Variants in SYN3 observed in about 807,000 individuals in gnomAD.
SYN3 encodes synapsin III.
A neutral mutation model predicts 65.8 loss-of-function variants in SYN3; 35 were observed. That is an observed-to-expected ratio of 0.53 (90% CI 0.41 to 0.70). SYN3 has a LOEUF of 0.70. Among genes scored for constraint, SYN3 ranks in the 30% least tolerant of loss-of-function variants. The pLI is 0.00. For missense variants in SYN3, 680 were observed against 749.0 expected (o/e 0.91, Z 1.08); for synonymous variants, 270 against 292.9 (o/e 0.92, Z 0.80).
At chr22:32,988,533 G>A (rs924966965) in intron 2 of SYN3, among the ~76,000 whole-genome samples, 21 of 151,900 alleles carry the variant, frequency 1.4e-4, no homozygotes, top group African/African-American at 2.9e-4. Flanking sequence ...GGAAACAAGC[G>A]CAAAGACAAC....
intron 4 of SYN3, among the ~76,000 whole-genome samples, chr22:32,898,230 A>G (rs1221057818): frequency 6.6e-6 from 1 of 152,112 alleles, no homozygotes; most frequent in African/African-American, 2.4e-5. Context: ...TCCTGACCTC[A>G]TGATCTGCCA....
At chr22:32,578,202 CTCTT>C (rs938085083) in intron 7 of SYN3, among the ~76,000 whole-genome samples, 28 of 150,108 alleles carry the variant, frequency 1.9e-4, no homozygotes, top group Admixed American at 4.0e-4. Flanking sequence ...TTCTTTCTCT[CTCTT>C]TCTTTTTCTT....
chr22:32,985,468 A>G (rs1163915600), intron 2 of SYN3, among the ~76,000 whole-genome samples: 1 of 152,224 alleles, frequency 6.6e-6, no homozygotes, highest in Admixed American at 6.5e-5. Context: ...AAGGACAGCC[A>G]GACCCTTCAC....
chr22:32,816,707 T>C (rs2047095495), intron 6 of SYN3, among the ~76,000 whole-genome samples: 1 of 152,170 alleles, frequency 6.6e-6, no homozygotes, highest in African/African-American at 2.4e-5. Flanking sequence ...CCATCAGACT[T>C]GGATCATCCT....
chr22:33,021,716 C>T (rs1045221165), intron 1 of SYN3, among the ~76,000 whole-genome samples: 39 of 151,962 alleles, frequency 2.6e-4, no homozygotes, highest in African/African-American at 8.9e-4. Flanking sequence ...CTGTCTGGTA[C>T]TTTGGATCCT....
chr22:32,968,784 T>C (rs1175590223), intron 3 of SYN3, among the ~76,000 whole-genome samples: 1 of 152,208 alleles, frequency 6.6e-6, no homozygotes, highest in Non-Finnish European at 1.5e-5. Flanking sequence ...ATCTCTACGA[T>C]AGAGAGATCC....
intron 4 of SYN3, among the ~76,000 whole-genome samples, chr22:32,908,139 G>A (rs2049952658): frequency 6.6e-6 from 1 of 151,610 alleles, no homozygotes; most frequent in Non-Finnish European, 1.5e-5. Flanking sequence ...AGGCTGGAGT[G>A]CAGTGGCATG....
chr22:32,515,362 G>A (rs2057753915), intron 13 of SYN3, among the ~76,000 whole-genome samples: 1 of 152,164 alleles, frequency 6.6e-6, no homozygotes, highest in South Asian at 2.1e-4. Context: ...TAAACTCATT[G>A]CAATCCTTAT....
At chr22:32,808,863 G>T (rs1047582741) in intron 6 of SYN3, among the ~76,000 whole-genome samples, 13 of 152,234 alleles carry the variant, frequency 8.5e-5, no homozygotes, top group Admixed American at 2.6e-4. Context: ...TCATTCCTGC[G>T]CTGGGAGAAA....
At chr22:32,869,354 C>G (rs1184374936) in intron 4 of SYN3, among the ~76,000 whole-genome samples, 1 of 149,524 alleles carries the variant, frequency 6.7e-6, no homozygotes, top group African/African-American at 2.5e-5. Context: ...CTCTCTCTCT[C>G]TCTCTCTCTC....
intron 4 of SYN3, among the ~76,000 whole-genome samples, chr22:32,907,529 T>A (rs960407577): frequency 6.6e-6 from 1 of 151,932 alleles, no homozygotes; most frequent in African/African-American, 2.4e-5. Context: ...GGCTGGGAGG[T>A]GAGTGAAGCA....
intron 6 of SYN3, among the ~76,000 whole-genome samples, chr22:32,633,925 C>CA (rs1202867912): frequency 1.3e-5 from 2 of 151,630 alleles, no homozygotes; most frequent in African/African-American, 4.8e-5. Context: ...CAACCTGGCA[C>CA]AAAAAAAGGC....
At chr22:32,873,753 T>C (rs535975555) in intron 4 of SYN3, among the ~76,000 whole-genome samples, 6 of 152,294 alleles carry the variant, frequency 3.9e-5, no homozygotes, top group Admixed American at 1.3e-4. Context: ...ACCATTTTCC[T>C]GTTACATGAA....
intron 6 of SYN3, among the ~76,000 whole-genome samples, chr22:32,652,531 T>C (rs1478229539): frequency 2.0e-5 from 3 of 151,456 alleles, no homozygotes; most frequent in Admixed American, 6.6e-5. Context: ...CAAATGGTTA[T>C]ATGCAACTAG....
Position 32,533,798 on chromosome 22 carries a change from T to A in SYN3, c.1090A>T (p.Ile364Phe). The change falls in exon 10 of 14, where the codon ATC becomes TTC. Residue 364 changes from isoleucine (I) to phenylalanine (F), a missense_variant. By Grantham distance (21) the Ile-to-Phe change is conservative (BLOSUM62 0). Coordinates refer to ENST00000358763, the MANE Select transcript of SYN3 (RefSeq NM_003490.4). ...VHSKDGRDYI[I>F]EVMDSSMPLI... Reference sequence around the variant, plus strand: ...CTCCCTGCTTCATCCCTCACCTCGATGATGTAATCTCTGCCATCCTTGCTG... The same window carrying A: ...CTCCCTGCTTCATCCCTCACCTCGAAGATGTAATCTCTGCCATCCTTGCTG... The A allele has an allele frequency of 1.2e-6, 2 of 1,611,572 alleles. No homozygotes were observed. Among genetic ancestry groups the A allele is most frequent in the East Asian group, 2.2e-5 (1 of 44,802 alleles).
At chr22:32,932,373 T>C (rs1168984182) in intron 3 of SYN3, among the ~76,000 whole-genome samples, 1 of 152,092 alleles carries the variant, frequency 6.6e-6, no homozygotes, top group Non-Finnish European at 1.5e-5. Context: ...GGTAAGCATC[T>C]GACTCGGGGT....
intron 7 of SYN3, among the ~76,000 whole-genome samples, chr22:32,576,347 G>A (rs2058850433): frequency 1.3e-5 from 2 of 152,054 alleles, no homozygotes; most frequent in Non-Finnish European, 2.9e-5. Context: ...CACTGGCTTC[G>A]CTTGTCTGAG....
At chr22:32,609,190 T>G (rs2059408948) in intron 6 of SYN3, among the ~76,000 whole-genome samples, 2 of 151,850 alleles carry the variant, frequency 1.3e-5, no homozygotes, top group Admixed American at 6.6e-5. Context: ...TGGACGTGGT[T>G]GCAGGTGCCT....
intron 2 of SYN3, among the ~76,000 whole-genome samples, chr22:32,985,522 T>TA (rs928108965): frequency 4.6e-5 from 7 of 152,134 alleles, no homozygotes; most frequent in Non-Finnish European, 7.4e-5. Flanking sequence ...TGAGGGGTGG[T>TA]AGGGCAGGGA....
Sources: gnomAD v4.1 joint callset for allele counts (sites outside exome capture counted in the v4.1 genomes callset) on GRCh38, gnomAD v4.1.1 for gene constraint, MANE v1.5 for transcripts, NCBI Gene and HGNC (gene_info 2026-07-23, HGNC 2026-07-21) for gene names.